The following JAK3 variants were observed in gnomAD, a reference collection of about 807,000 sequenced individuals.
JAK3 encodes Janus kinase 3.
In JAK3, 88 loss-of-function variants were observed where a neutral mutation model predicts 120.8. The ratio of observed to expected loss-of-function variants is 0.73; its 90% confidence interval spans 0.61 to 0.87. The LOEUF (loss-of-function observed/expected upper bound fraction) is 0.87. JAK3 is among the 40% of genes least tolerant of loss of function. The probability of loss-of-function intolerance (pLI) is 0.00; values close to 1 mark genes in which losing one functional copy is unlikely to be tolerated. For synonymous variants in JAK3, 592 were observed against 628.6 expected, an observed-to-expected ratio of 0.94 and a Z score of 0.87; for missense variants, 1,254 against 1,501.4, an observed-to-expected ratio of 0.84 and a Z score of 2.72.
intron 23 of JAK3, among the ~76,000 whole-genome samples, chr19:17,827,543 C>T (rs2039042341): frequency 6.6e-6 from 1 of 151,022 alleles, no homozygotes; most frequent in African/African-American, 2.4e-5. Flanking sequence ...GACGGGGTTT[C>T]ACCATGTTGG....
rs1164733759 is a variant in JAK3 at position 17,831,216 on chromosome 19, C to A, written c.2978+12G>T. The A allele has an allele frequency of 6.2e-7, 1 of 1,610,462 alleles. No homozygotes were observed. The highest frequency in any genetic ancestry group is 8.5e-7 in the Non-Finnish European group (1 of 1,179,180). On this transcript the variant is annotated intron_variant, in intron 21 of 23. Transcript: ENST00000458235. This position sits in a 1 kb window ranked among gnomAD's most constrained non-coding sequence, Gnocchi z 5.1. ...GGGGAATAGGGGCGGAGCCTAGGCG[C>A]GGGTTCCCCACCAGAAAATGGGGCT... is the stretch of plus-strand genomic sequence containing the variant.
intron 10 of JAK3, chr19:17,839,264 G>A (rs966519895): frequency 5.9e-6 from 4 of 679,542 alleles, no homozygotes; most frequent in Admixed American, 2.0e-5. Context: ...GAGACTAGGT[G>A]CAGATGACAT....
In JAK3 at chr19:17,842,054, T is replaced by A. The variant is rs977947151; in HGVS notation, c.861+262A>T. On this transcript the variant is annotated intron_variant, in intron 6 of 23. Transcript: ENST00000458235. The surrounding 1 kb of genome is among the most constrained non-coding windows in gnomAD (Gnocchi z 6.4). The stretch of plus-strand genomic sequence containing the variant: ...CTCGGAGCCTCACTCTGCCTCTTAG[T>A]CTTGCCTCGTTCCAGCGCCCACCCA... Among the ~76,000 whole-genome samples the A allele has an allele frequency of 6.6e-6, 1 of 151,574 alleles. No individual in the cohort carries two copies. Among genetic ancestry groups the A allele is most frequent in the Non-Finnish European group, 1.5e-5 (1 of 67,904 alleles).
chr19:17,838,453 C>T, intron 10 of JAK3, 63 bp from the exon 11 acceptor site: 1 of 1,599,106 alleles, frequency 6.3e-7, no homozygotes, highest in Non-Finnish European at 8.6e-7. Context: ...CAAGGGTTAG[C>T]TAACTCATGC....
In JAK3 at chr19:17,838,001, C is replaced by G; in HGVS notation, c.1632G>C (p.Val544=). ...CCTCTGTCTTTCGGGCCTCCCCATC[C>G]ACCACCTCATGGCGACAGCCCCGGT... ...KIYRGCRHEV[V]DGEARKTEVL... is the part of the protein sequence containing the mutation. The change falls in exon 12 of 24, where the codon GTG becomes GTC. Residue 544 remains valine, a synonymous_variant. Transcript: ENST00000458235. 1 of 1,614,140 alleles carries G rather than the reference C, an allele frequency of 6.2e-7. No homozygotes were observed. Among genetic ancestry groups the G allele is most frequent in the Non-Finnish European group, 8.5e-7 (1 of 1,180,036 alleles).
chr19:17,835,826 A>ACCCTTAC (rs2094223080), intron 14 of JAK3, 98 bp downstream of exon 14: 2 of 1,512,708 alleles, frequency 1.3e-6, no homozygotes, highest in Non-Finnish European at 1.8e-6. Context: ...CCCTTACCAA[A>ACCCTTAC]CTCCTATGCA....
chr19:17,831,425 C>T lies in JAK3; in HGVS notation c.2806-25G>A, dbSNP rs2094214335. On this transcript the variant is annotated intron_variant, in intron 20 of 23. Coordinates refer to ENST00000458235, the MANE Select transcript of JAK3 (RefSeq NM_000215.4). This position sits in a 1 kb window ranked among gnomAD's most constrained non-coding sequence, Gnocchi z 5.1. ...CCTGCGGGCGGGCGGTGTGAGCGTG[C>T]AGAGAGGATCCCAGGATAATCCGGC... 1 of 1,600,002 alleles carries T rather than the reference C, an allele frequency of 6.2e-7. No homozygotes were observed. The highest frequency in any genetic ancestry group is 8.5e-7 in the Non-Finnish European group (1 of 1,179,558).
rs2147681328 is a variant in JAK3, at chr19:17,834,584, G to A, written c.2337C>T (p.Ser779=). 1.2e-6 allele frequency: 2 copies of A among 1,613,954 alleles called. No homozygotes were observed. The highest frequency in any genetic ancestry group is 1.3e-5 in the African/African-American group (1 of 74,982). The part of the protein sequence containing the change: ...SFRAVIRDLN[S]LISSDYELLS... The stretch of plus-strand genomic sequence containing the variant: ...CCCAGCGGGCACCTGAAGAGATGAG[G>A]CTATTGAGGTCACGAATGACGGCTC... Residue 779 remains serine (S), a synonymous_variant, in exon 17 of 24, where the codon AGC becomes AGT. Coordinates refer to ENST00000458235, the MANE Select transcript of JAK3 (RefSeq NM_000215.4).
In JAK3 at chr19:17,826,437, C is replaced by T. The variant is rs200658727; in HGVS notation, c.*306G>A. The T allele has an allele frequency of 1.5e-4, 57 of 379,738 alleles. 2 individuals are homozygous for T. The South Asian group carries it at 2.8e-3, about 19-fold the overall frequency. The allele number at this position is 379,738 out of a possible 1,614,324, so 23.5% of individuals were successfully genotyped here. On this transcript the variant is annotated 3_prime_UTR_variant, in exon 24 of 24. Coordinates refer to ENST00000458235, the MANE Select transcript of JAK3 (RefSeq NM_000215.4). ...AAAAAGAGAGAGACAGAAAAGGAAACTCAGGGGGCCAGGGCTTAAGGGGTT... is the reference window on the plus strand; with the variant it reads ...AAAAAGAGAGAGACAGAAAAGGAAATTCAGGGGGCCAGGGCTTAAGGGGTT...
At position 17,829,896 on chromosome 19, in the gene JAK3, C is replaced by T. The variant is rs60485073; in HGVS notation, c.3207+212G>A. On this transcript the variant is annotated intron_variant, in intron 23 of 23. Transcript: ENST00000458235. Reference sequence around the variant, plus strand: ...TCTTCCCTCACCCTATAAGGCATTACTATTCTCATTTTGGAAAAGGGTAAA... The same window carrying T: ...TCTTCCCTCACCCTATAAGGCATTATTATTCTCATTTTGGAAAAGGGTAAA... 0.11 allele frequency: 70,498 copies of T among 629,178 alleles called. 4,577 individuals are homozygous for T. Among genetic ancestry groups the T allele is most frequent in the East Asian group, 0.26 (9,456 of 36,326 alleles). The allele number at this position is 629,178 out of a possible 1,614,324, so 39.0% of individuals were successfully genotyped here.
intron 23 of JAK3, chr19:17,829,700 C>T: frequency 3.1e-6 from 1 of 317,956 alleles, no homozygotes; most frequent in South Asian, 6.6e-5. Flanking sequence ...TTGGAGGCTG[C>T]AGTGAGCTAT....
rs916412541 is a variant in JAK3 at position 17,830,178 on chromosome 19, G to A, written c.3137C>T (p.Ala1046Val). The A allele has an allele frequency of 1.4e-5, 23 of 1,594,202 alleles. No individual in the cohort carries two copies. The East Asian group carries it at 4.1e-4, about 28-fold the overall frequency. ...CAGCAGTTCCAAGAGGCGGCAGAGG[G>A]CGGGGACATCCCGCTCACATCCCAT... ...RMMGCERDVPALCRLLELLEE... is the reference protein window; with the variant it reads ...RMMGCERDVPVLCRLLELLEE... Residue 1046 changes from alanine to valine, a missense_variant, in exon 23 of 24, where the codon GCC (alanine) becomes GTC (valine). By Grantham distance (64) the Ala-to-Val change is moderately conservative. Transcript: ENST00000458235.
rs769105045 is a variant in JAK3, at chr19:17,834,915, G to A, written c.2136C>T (p.Gly712=). 1.9e-5 allele frequency: 30 copies of A among 1,614,130 alleles called. No homozygotes were observed. Among genetic ancestry groups the A allele is most frequent in the East Asian group, 6.7e-5 (3 of 44,866 alleles). The stretch of plus-strand genomic sequence containing the variant: ...CACTAAACACTTCCCAGACCGTGGC[G>A]CCGAAGCCCCACTTGTCAGCTTCCA... ...LSLEADKWGF[G]ATVWEVFSGV... is the part of the protein sequence containing the mutation. Residue 712 remains glycine, a synonymous_variant, in exon 16 of 24, where the codon GGC becomes GGT. Coordinates refer to ENST00000458235, the MANE Select transcript of JAK3 (RefSeq NM_000215.4).
chr19:17,828,979 AC>A (rs1412200067), intron 23 of JAK3, among the ~76,000 whole-genome samples: 2 of 151,572 alleles, frequency 1.3e-5, no homozygotes, highest in South Asian at 4.2e-4. Flanking sequence ...ACACAGAGAG[AC>A]CCCATCTCTT....
At position 17,842,453 on chromosome 19, in the gene JAK3, G is replaced by T; in HGVS notation, c.724C>A (p.Leu242Met). The change falls in exon 6 of 24, where the codon CTG becomes ATG. Residue 242 changes from leucine to methionine, a missense_variant. Around this residue, in one of 3 missense-constraint regions of JAK3, gnomAD observed 486 missense variants for 503.0 expected, o/e 0.97. Coordinates refer to ENST00000458235, the MANE Select transcript of JAK3 (RefSeq NM_000215.4). This position sits in a 1 kb window ranked among gnomAD's most constrained non-coding sequence, Gnocchi z 6.4. ...GCCCCGGCTGGATCCAGCCGCTCCAGGTCCATGATGTACTTGGCCATGAGC... is the reference window on the plus strand; with the variant it reads ...GCCCCGGCTGGATCCAGCCGCTCCATGTCCATGATGTACTTGGCCATGAGC... ...HSLMAKYIMDLERLDPAGAAE... is the reference protein window; with the variant it reads ...HSLMAKYIMDMERLDPAGAAE... 1 of 1,596,858 alleles carries T rather than the reference G, an allele frequency of 6.3e-7. No homozygotes were observed. The highest frequency in any genetic ancestry group is 1.1e-5 in the South Asian group (1 of 88,930).
At position 17,834,984 on chromosome 19, in the gene JAK3, G is replaced by A. The variant is rs1341117278; in HGVS notation, c.2067C>T (p.Pro689=). The change falls in exon 16 of 24, where the codon CCC becomes CCT. Residue 689 remains proline, a synonymous_variant. Transcript: ENST00000458235. ...CCCGGAGACACTCGGGGGCCACCCAGGGGATCCTGTCGGTGAGCACTGAGG... is the reference window on the plus strand; with the variant it reads ...CCCGGAGACACTCGGGGGCCACCCAAGGGATCCTGTCGGTGAGCACTGAGG... ...LSLEMLTDRI[P]WVAPECLREA... The A allele has an allele frequency of 1.2e-6, 2 of 1,614,062 alleles. No homozygotes were observed. The highest frequency in any genetic ancestry group is 2.7e-5 in the African/African-American group (2 of 74,946).
chr19:17,826,736 G>C lies in JAK3; in HGVS notation c.*7C>G. 6.2e-7 allele frequency: 1 copy of C among 1,613,986 alleles called. No homozygotes were observed. Among genetic ancestry groups the C allele is most frequent in the Non-Finnish European group, 8.5e-7 (1 of 1,179,852 alleles). ...AGAGACCTAATCCAGAGGTCTGCGG[G>C]CAGGAGCTATGAAAAGGACAGGGAG... On this transcript the variant is annotated 3_prime_UTR_variant, in exon 24 of 24. Coordinates refer to ENST00000458235, the MANE Select transcript of JAK3 (RefSeq NM_000215.4).
chr19:17,847,536 G>T (rs909866436), intron 1 of JAK3, among the ~76,000 whole-genome samples: 1 of 152,008 alleles, frequency 6.6e-6, no homozygotes, highest in Admixed American at 6.6e-5. Flanking sequence ...CTCCCGCCTC[G>T]GCATCCCCTG....
rs7254346 is a variant in JAK3, at chr19:17,847,968, T to C, written c.-36A>G. The stretch of plus-strand genomic sequence containing the variant: ...TACCTAGCGGGCAGGGACCCTGGAC[T>C]TTCGAAGGGCGGGCAGAGCCGGGAG... On this transcript the variant is annotated 5_prime_UTR_variant, in exon 1 of 24. Transcript: ENST00000458235. 0.11 allele frequency: 114,131 copies of C among 1,036,266 alleles called. 13,491 individuals carry two copies. Among genetic ancestry groups the C allele is most frequent in the African/African-American group, 0.57 (33,745 of 59,260 alleles). 64.2% of individuals were successfully genotyped at this position (1,036,266 alleles called of 1,614,324 possible).
Sources: allele counts gnomAD v4.1 joint callset (sites outside exome capture counted in the v4.1 genomes callset), GRCh38; gene constraint gnomAD v4.1.1; regional missense constraint gnomAD v4.1.1; non-coding constraint Gnocchi (gnomAD v3.1); transcripts MANE v1.5; gene names NCBI Gene and HGNC (gene_info 2026-07-23, HGNC 2026-07-21).